Variants in PDCD11 observed in about 807,000 individuals in gnomAD.
The protein encoded by PDCD11 is programmed cell death 11.
A neutral mutation model predicts 198.9 loss-of-function variants in PDCD11; 97 were observed. That is an observed-to-expected ratio of 0.49 (90% CI 0.41 to 0.58). The LOEUF (loss-of-function observed/expected upper bound fraction) is 0.58, where lower values mean the gene tolerates loss of function less well. Ranked by LOEUF, PDCD11 falls within the 20% of genes least tolerant of loss-of-function variation. PDCD11 has a pLI of 0.00. For missense variants in PDCD11, 2,102 were observed against 2,312.7 expected, an observed-to-expected ratio of 0.91 and a Z score of 1.87; for synonymous variants, 893 against 918.0, an observed-to-expected ratio of 0.97 and a Z score of 0.49.
chr10:103,429,854 A>G (rs2031855430), intron 21 of PDCD11, among the ~76,000 whole-genome samples: 1 of 151,992 alleles, frequency 6.6e-6, no homozygotes, highest in Non-Finnish European at 1.5e-5. Flanking sequence ...AGTGAATTTG[A>G]CTGTTCTAGG....
In PDCD11 at chr10:103,427,530, G is replaced by A. The variant is rs1045385153; in HGVS notation, c.3368+139G>A. 3.7e-5 allele frequency: 25 copies of A among 682,022 alleles called. No individual in the cohort carries two copies. In the African/African-American group the frequency reaches 4.1e-4, roughly 11 times the overall value. 42.2% of individuals were successfully genotyped at this position (682,022 alleles called of 1,614,324 possible). ...CTGTCCAAGTTTTCTTGTTTCTCTAGTGGGGATATTTGGTTCTCCTAGGGC... is the reference window on the plus strand; with the variant it reads ...CTGTCCAAGTTTTCTTGTTTCTCTAATGGGGATATTTGGTTCTCCTAGGGC... On this transcript the variant is annotated intron_variant, in intron 21 of 35. Transcript: ENST00000369797.
At chr10:103,410,830 C>G (rs2030757713) in intron 8 of PDCD11, among the ~76,000 whole-genome samples, 1 of 151,792 alleles carries the variant, frequency 6.6e-6, no homozygotes, top group Non-Finnish European at 1.5e-5. Context: ...AATCCCAGCA[C>G]TTTGGTAGGC....
chr10:103,407,627 G>C, intron 7 of PDCD11, among the ~76,000 whole-genome samples: 1 of 152,064 alleles, frequency 6.6e-6, no homozygotes, highest in East Asian at 1.9e-4. Flanking sequence ...CCAGGCTGGT[G>C]TTGAACTCCT....
intron 15 of PDCD11, among the ~76,000 whole-genome samples, chr10:103,418,977 C>T (rs932284667): frequency 7.2e-6 from 1 of 138,924 alleles, no homozygotes; most frequent in Non-Finnish European, 1.6e-5. Context: ...CTTCTGTCCC[C>T]CTTTCCTCTT....
chr10:103,425,587 G>A, intron 20 of PDCD11, 62 bp downstream of exon 20: 2 of 1,479,460 alleles, frequency 1.4e-6, no homozygotes, highest in Non-Finnish European at 1.8e-6. Flanking sequence ...GGGAGGACTG[G>A]GAAAGTAGGT....
chr10:103,418,985 C>CTT (rs111594350), intron 15 of PDCD11, among the ~76,000 whole-genome samples: 4,292 of 147,584 alleles, frequency 0.029, 117 homozygotes, highest in African/African-American at 0.068. Flanking sequence ...CCCCTTTCCT[C>CTT]TTTTTTTTTT....
intron 2 of PDCD11, among the ~76,000 whole-genome samples, chr10:103,398,931 T>A (rs1479945809): frequency 6.6e-6 from 1 of 152,162 alleles, no homozygotes; most frequent in Non-Finnish European, 1.5e-5. Flanking sequence ...TGAGAATTGC[T>A]TGAACCAAGA....
Position 103,400,403 on chromosome 10 carries a change from A to C in PDCD11, c.109A>C (p.Thr37Pro), listed in dbSNP as rs765063079. ...TCCCCCTACCCGCTTCTAGATTTCT[A>C]CTGAAGAGGGATCCACCAAAAGAAA... is the stretch of plus-strand genomic sequence containing the variant. ...VEQDNLFDIS[T>P]EEGSTKRKKS... Residue 37 changes from threonine (T) to proline (P), a missense_variant, in exon 3 of 36, where the codon ACT becomes CCT. Thr to Pro is a conservative substitution (Grantham distance 38). Transcript: ENST00000369797. 1 of 1,612,110 alleles carries C rather than the reference A, an allele frequency of 6.2e-7. No homozygotes were observed. Among genetic ancestry groups the C allele is most frequent in the Non-Finnish European group, 8.5e-7 (1 of 1,179,628 alleles).
intron 15 of PDCD11, 109 bp from the exon 16 acceptor site, chr10:103,419,429 G>A: frequency 8.3e-7 from 1 of 1,203,466 alleles, no homozygotes; most frequent in Non-Finnish European, 1.2e-6. Context: ...AATCGCTGTA[G>A]CAGCAGAGAT....
Position 103,406,660 on chromosome 10 carries a change from A to G in PDCD11, c.740A>G (p.Lys247Arg). The G allele has an allele frequency of 6.2e-7, 1 of 1,614,164 alleles. No homozygotes were observed. Among genetic ancestry groups the G allele is most frequent in the South Asian group, 1.1e-5 (1 of 91,084 alleles). ...CTGAACTGCATTGTTGAAAAGGTGA[A>G]AGGCAACGGAGGAGTTGTTAGTCTG... ...QYLNCIVEKVKGNGGVVSLSV... is the reference protein window; with the variant it reads ...QYLNCIVEKVRGNGGVVSLSV... The change falls in exon 7 of 36, where the codon AAA (lysine) becomes AGA (arginine). Residue 247 changes from lysine (K) to arginine (R), a missense_variant. Transcript: ENST00000369797.
At chr10:103,408,636 GT>G (rs1330378032) in intron 7 of PDCD11, among the ~76,000 whole-genome samples, 1 of 151,992 alleles carries the variant, frequency 6.6e-6, no homozygotes, top group African/African-American at 2.4e-5. Flanking sequence ...CACCATCCAG[GT>G]TCAAGTGATT....
At chr10:103,432,511 T>G (rs1269963166) in intron 22 of PDCD11, among the ~76,000 whole-genome samples, 1 of 152,238 alleles carries the variant, frequency 6.6e-6, no homozygotes, top group African/African-American at 2.4e-5. Flanking sequence ...AGATTTAGAA[T>G]ATAAATGTAT....
chr10:103,433,997 G>A lies in PDCD11; in HGVS notation c.3524G>A (p.Arg1175Gln), dbSNP rs61760969. 1.2e-3 allele frequency: 1,883 copies of A among 1,613,822 alleles called. 4 individuals are homozygous for A. The highest frequency in any genetic ancestry group is 1.4e-3 in the Non-Finnish European group (1,688 of 1,179,708). Residue 1175 changes from arginine (R) to glutamine (Q), a missense_variant, in exon 23 of 36, where the codon CGG becomes CAG. Transcript: ENST00000369797. ...GAGGTGGAGATTGCCCCAGACATCC[G>A]GGGGAGAATTCCCTTATTGCTCACT... ...WLEVEIAPDI[R>Q]GRIPLLLTSL...
intron 7 of PDCD11, among the ~76,000 whole-genome samples, chr10:103,408,805 G>C (rs10883865): frequency 0.33 from 49,727 of 152,104 alleles, 8,543 homozygotes; most frequent in East Asian, 0.43. Flanking sequence ...CTCCCAGAGT[G>C]CTAGGATTAT....
intron 32 of PDCD11, 38 bp downstream of exon 32, chr10:103,442,498 C>A: frequency 6.3e-7 from 1 of 1,595,040 alleles, no homozygotes; most frequent in Non-Finnish European, 8.6e-7. Context: ...TGTCTTCGCA[C>A]GTTCTGGGCT....
At chr10:103,414,197 GC>G in intron 10 of PDCD11, 72 bp from the exon 11 acceptor site, 3 of 1,574,016 alleles carry the variant, frequency 1.9e-6, no homozygotes, top group Non-Finnish European at 2.6e-6. Flanking sequence ...TTGCCAGCAT[GC>G]CTGTGGTAGC....
chr10:103,424,511 G>C (rs2031596445), intron 19 of PDCD11, among the ~76,000 whole-genome samples: 1 of 152,174 alleles, frequency 6.6e-6, no homozygotes, highest in Non-Finnish European at 1.5e-5. Flanking sequence ...GGATTTTGAG[G>C]AAAGAGAGGC....
chr10:103,409,707 A>G lies in PDCD11; in HGVS notation c.879A>G (p.Pro293=), dbSNP rs2133688652. Residue 293 remains proline (P), a synonymous_variant, in exon 8 of 36, where the codon CCA becomes CCG. Coordinates refer to ENST00000369797, the MANE Select transcript of PDCD11 (RefSeq NM_014976.2). ...GTTCTGTTTATTTCTAGGTGACTCC[A>G]TTTGGCCTTACGCTAAACTTCCTCA... ...VVKAQVQKVT[P]FGLTLNFLTF... 6.2e-7 allele frequency: 1 copy of G among 1,613,354 alleles called. No homozygotes were observed. Among genetic ancestry groups the G allele is most frequent in the East Asian group, 2.2e-5 (1 of 44,884 alleles).
In PDCD11 at chr10:103,414,346, T is replaced by G; in HGVS notation, c.1371+16T>G. 1 of 1,593,638 alleles carries G rather than the reference T, an allele frequency of 6.3e-7. No individual in the cohort carries two copies. Among genetic ancestry groups the G allele is most frequent in the Non-Finnish European group, 8.6e-7 (1 of 1,161,478 alleles). On this transcript the variant is annotated intron_variant, in intron 11 of 35. Transcript: ENST00000369797. ...AGTGGTAAAGGTAAGACCTCAAGCA[T>G]ATAATTAGGTACTGCCTCACCATCA... is the stretch of plus-strand genomic sequence containing the variant.
Sources: allele counts gnomAD v4.1 joint callset (sites outside exome capture counted in the v4.1 genomes callset), GRCh38; gene constraint gnomAD v4.1.1; transcripts MANE v1.5; gene names NCBI Gene and HGNC (gene_info 2026-07-23, HGNC 2026-07-21).